The following TNRC6B variants were observed in gnomAD, a reference collection of about 807,000 sequenced individuals.
The protein encoded by TNRC6B is trinucleotide repeat containing adaptor 6B.
In TNRC6B, 52 loss-of-function variants were observed where a neutral mutation model predicts 203.6. The ratio of observed to expected loss-of-function variants is 0.26; its 90% CI spans 0.20 to 0.32. The LOEUF is 0.32. Ranked by LOEUF, TNRC6B falls within the 10% of genes least tolerant of loss-of-function variation. TNRC6B has a pLI of 1.00. For synonymous variants in TNRC6B, 838 were observed against 845.7 expected, an observed-to-expected ratio of 0.99 and a Z score of 0.16; for missense variants, 1,923 against 2,286.2, an observed-to-expected ratio of 0.84 and a Z score of 3.24.
At chr22:40,277,762 C>G (rs1172133884) in intron 8 of TNRC6B, among the ~76,000 whole-genome samples, 1 of 152,170 alleles carries the variant, frequency 6.6e-6, no homozygotes, top group Non-Finnish European at 1.5e-5. Flanking sequence ...ATCTATTGCT[C>G]TCTTTGTAGA....
At chr22:40,198,553 G>C (rs1340522590) in intron 1 of TNRC6B, among the ~76,000 whole-genome samples, 1 of 151,878 alleles carries the variant, frequency 6.6e-6, no homozygotes, top group African/African-American at 2.4e-5. Context: ...TTGCTTCTGG[G>C]ATGCCCTTCC....
intron 1 of TNRC6B, among the ~76,000 whole-genome samples, chr22:40,189,828 G>C (rs1452257973): frequency 3.3e-5 from 5 of 152,088 alleles, no homozygotes; most frequent in African/African-American, 1.2e-4. Context: ...AGACACATTG[G>C]GGTCCATCAT....
chr22:40,269,845 G>A lies in TNRC6B; in HGVS notation c.2807-277G>A, dbSNP rs577514438. On this transcript the variant is annotated intron_variant, in intron 5 of 22. Transcript: ENST00000454349. ...GGAGGTTGCCATGAGCCAAGACCAC[G>A]GCATTGCACTCCAGCCTTGGGGATG... Among the ~76,000 whole-genome samples the A allele has an allele frequency of 6.7e-5, 10 of 149,306 alleles. No individual in the cohort carries two copies. In the South Asian group the frequency reaches 1.3e-3, roughly 19 times the overall value.
At chr22:40,170,913 ATG>A (rs762888087) in intron 4 of TNRC6B, among the ~76,000 whole-genome samples, 16 of 142,848 alleles carry the variant, frequency 1.1e-4, no homozygotes, top group Admixed American at 3.6e-4. Context: ...ATGTGCATAT[ATG>A]TGTGTATATA....
At chr22:40,197,586 C>T (rs913599871) in intron 1 of TNRC6B, among the ~76,000 whole-genome samples, 5 of 149,840 alleles carry the variant, frequency 3.3e-5, no homozygotes, top group Admixed American at 6.6e-5. Context: ...CGCACCCAGC[C>T]GAAAGGCGTT....
intron 1 of TNRC6B, among the ~76,000 whole-genome samples, chr22:40,238,521 C>T (rs2069980561): frequency 6.6e-6 from 1 of 152,182 alleles, no homozygotes; most frequent in South Asian, 2.1e-4. Context: ...CACCTTCTCC[C>T]TTACACCCTG....
chr22:40,256,648 A>G (rs949752023), intron 3 of TNRC6B, among the ~76,000 whole-genome samples: 1 of 152,172 alleles, frequency 6.6e-6, no homozygotes, highest in African/African-American at 2.4e-5. Context: ...TTGGCCCCAC[A>G]AGTGCAGAGT....
intron 4 of TNRC6B, among the ~76,000 whole-genome samples, chr22:40,169,247 T>C (rs1449818569): frequency 6.7e-6 from 1 of 149,082 alleles, no homozygotes; most frequent in Admixed American, 6.8e-5. Flanking sequence ...TTCTCCTCCC[T>C]CAGCCTCCCG....
intron 3 of TNRC6B, among the ~76,000 whole-genome samples, chr22:40,128,187 C>T (rs6001783): frequency 0.073 from 11,041 of 152,168 alleles, 1,283 homozygotes; most frequent in African/African-American, 0.24. Context: ...TTAACTCAGG[C>T]TCTTATGTTT....
chr22:40,292,255 A>G (rs1044010993), intron 12 of TNRC6B, among the ~76,000 whole-genome samples: 1 of 151,590 alleles, frequency 6.6e-6, no homozygotes, highest in Non-Finnish European at 1.5e-5. Context: ...CAGGAGGCTG[A>G]GGCAGGAGAA....
At chr22:40,119,872 A>C (rs2068427599) in intron 2 of TNRC6B, among the ~76,000 whole-genome samples, 1 of 152,180 alleles carries the variant, frequency 6.6e-6, no homozygotes, top group African/African-American at 2.4e-5. Flanking sequence ...CCTAGACACA[A>C]CCATAAGCCA....
intron 3 of TNRC6B, among the ~76,000 whole-genome samples, chr22:40,129,947 G>A (rs1050922368): frequency 1.3e-5 from 2 of 152,106 alleles, no homozygotes; most frequent in Non-Finnish European, 2.9e-5. Context: ...GGTGTTCAAG[G>A]GTGCCATTTA....
At chr22:40,133,103 T>A (rs2068567535) in intron 3 of TNRC6B, among the ~76,000 whole-genome samples, 1 of 151,346 alleles carries the variant, frequency 6.6e-6, no homozygotes, top group Non-Finnish European at 1.5e-5. Flanking sequence ...ATTATCACAC[T>A]GATCTGAAAA....
chr22:40,154,875 A>ATATG lies in TNRC6B; in HGVS notation c.46-1237_46-1236insGTAT, dbSNP rs1268310164. On this transcript the variant is annotated intron_variant, in intron 3 of 23. Coordinates refer to the TNRC6B transcript ENST00000301923. ...AAAAAAAAAAAATATATATATATAT[A>ATATG]TATATATATATATATATATACATAT... 1.8e-3 allele frequency among the ~76,000 whole-genome samples: 90 copies of ATATG among 51,316 alleles called. 1 individual carries two copies. The highest frequency in any genetic ancestry group is 2.5e-3 in the Non-Finnish European group (71 of 28,888). 33.7% of individuals were successfully genotyped at this position (51,316 alleles called of 152,430 possible).
At chr22:40,149,679 C>CA (rs58482182) in intron 3 of TNRC6B, among the ~76,000 whole-genome samples, 3,248 of 81,736 alleles carry the variant, frequency 0.04, 8 homozygotes, top group East Asian at 0.089. Flanking sequence ...CCTCCCCCGC[C>CA]AAAAAAAAAA....
At chr22:40,153,130 T>A (rs2068774865) in intron 3 of TNRC6B, among the ~76,000 whole-genome samples, 1 of 152,132 alleles carries the variant, frequency 6.6e-6, no homozygotes, top group Non-Finnish European at 1.5e-5. Context: ...AAAACATTTT[T>A]ATGTGTCAGT....
At chr22:40,238,979 G>C (rs990922615) in intron 1 of TNRC6B, among the ~76,000 whole-genome samples, 2 of 151,984 alleles carry the variant, frequency 1.3e-5, no homozygotes, top group African/African-American at 4.8e-5. Flanking sequence ...AAGGTGGGCG[G>C]ATCACTTGAG....
chr22:40,279,676 T>G (rs1282049582), intron 9 of TNRC6B, among the ~76,000 whole-genome samples: 1 of 152,198 alleles, frequency 6.6e-6, no homozygotes, highest in Non-Finnish European at 1.5e-5. Context: ...CAGTATCCAG[T>G]CTAAATGTTT....
intron 3 of TNRC6B, among the ~76,000 whole-genome samples, chr22:40,154,394 G>A (rs2068791011): frequency 6.6e-6 from 1 of 151,548 alleles, no homozygotes; most frequent in Non-Finnish European, 1.5e-5. Context: ...AACCTGGGAG[G>A]TGGAGGTTGC....
Sources: allele counts gnomAD v4.1 joint callset (sites outside exome capture counted in the v4.1 genomes callset), GRCh38; gene constraint gnomAD v4.1.1; transcripts MANE v1.5; gene names NCBI Gene and HGNC (gene_info 2026-07-23, HGNC 2026-07-21).